Variants in IGSF22 observed in about 807,000 individuals in gnomAD.
The protein encoded by IGSF22 is immunoglobulin superfamily member 22.
In IGSF22, 119 loss-of-function variants were observed where a neutral mutation model predicts 127.0. That is an observed-to-expected ratio of 0.94 (90% CI 0.81 to 1.09). The LOEUF (loss-of-function observed/expected upper bound fraction) is 1.09, where lower values mean the gene tolerates loss of function less well. Among genes scored for constraint, IGSF22 ranks in the 50% least tolerant of loss-of-function variants. The pLI, the probability that IGSF22 is intolerant of heterozygous loss-of-function variation, is 0.00. For missense variants in IGSF22, 1,518 were observed against 1,716.6 expected, an observed-to-expected ratio of 0.88 and a Z score of 2.04; for synonymous variants, 568 against 664.7, an observed-to-expected ratio of 0.85 and a Z score of 2.24.
At chr11:18,720,334 G>A (rs752546026) in intron 4 of IGSF22, 49 bp from the exon 5 acceptor site, 8 of 1,484,512 alleles carry the variant, frequency 5.4e-6, no homozygotes, top group Non-Finnish European at 6.6e-6. Context: ...GAACCACAGG[G>A]AGACTTTCTG....
chr11:18,717,922 C>G lies in IGSF22; in HGVS notation c.973+9G>C, dbSNP rs932067162. 2 of 1,611,658 alleles carry G rather than the reference C, an allele frequency of 1.2e-6. No homozygotes were observed. Among genetic ancestry groups the G allele is most frequent in the Non-Finnish European group, 1.7e-6 (2 of 1,178,196 alleles). On this transcript the variant is annotated intron_variant, in intron 9 of 22. Transcript: ENST00000513874. Reference sequence around the variant, plus strand: ...TCCTCCTTGTGCCCTTGCATGCCCCCACTCATACCCAGCACTGTGAGCTCT... The same window carrying G: ...TCCTCCTTGTGCCCTTGCATGCCCCGACTCATACCCAGCACTGTGAGCTCT...
intron 4 of IGSF22, 140 bp from the exon 5 acceptor site, chr11:18,720,425 GC>G: frequency 1.6e-6 from 1 of 632,486 alleles, no homozygotes; most frequent in Non-Finnish European, 2.8e-6. Flanking sequence ...GGATTGAGCA[GC>G]CTGTATGATT....
rs376208958 is a variant in IGSF22, at chr11:18,710,327, T to C, written c.2701A>G (p.Lys901Glu). The change falls in exon 17 of 23, where the codon AAA becomes GAA. Residue 901 changes from lysine (K) to glutamate (E), a missense_variant and splice_region_variant. Around this residue, in one of 3 missense-constraint regions of IGSF22, gnomAD observed 1,456 missense variants for 1,644.9 expected, o/e 0.89. Transcript: ENST00000513874. ...SSSVVAKDPV[K>E]PPGLVQDLHV... ...CAGGACCTGGCAGCCGCATACTCAC[T>C]AACAGGATCCTTGGCCACTACTGAG... is the stretch of plus-strand genomic sequence containing the variant. 3 of 1,613,912 alleles carry C rather than the reference T, an allele frequency of 1.9e-6. No homozygotes were observed. Among genetic ancestry groups the C allele is most frequent in the Non-Finnish European group, 2.5e-6 (3 of 1,179,920 alleles).
intron 1 of IGSF22, among the ~76,000 whole-genome samples, chr11:18,725,616 A>G (rs1848639967): frequency 6.6e-6 from 1 of 150,986 alleles, no homozygotes; most frequent in Non-Finnish European, 1.5e-5. Context: ...AATTTTTTGT[A>G]TTTTTAGTAC....
Position 18,716,675 on chromosome 11 carries a change from G to T in IGSF22, c.1246+53C>A. 1 of 1,554,858 alleles carries T rather than the reference G, an allele frequency of 6.4e-7. No individual in the cohort carries two copies. The highest frequency in any genetic ancestry group is 8.8e-7 in the Non-Finnish European group (1 of 1,130,630). On this transcript the variant is annotated intron_variant, in intron 10 of 22. Transcript: ENST00000513874. This position sits in a 1 kb window ranked among gnomAD's most constrained non-coding sequence, Gnocchi z 4.5. ...ATATATAAATGATGACTACCTGCAT[G>T]GAGGTTGCTGTGCCATAAAGCCCAC...
rs1848505755 is a variant in IGSF22, at chr11:18,718,595, C to T, written c.810+20G>A. ...AGGAAGAGATATTGCCAAGGTGGAC[C>T]CTGGCTAGGCATCCCCCACCTTGAT... On this transcript the variant is annotated intron_variant, in intron 8 of 22. Transcript: ENST00000513874. The T allele has an allele frequency of 1.4e-6, 2 of 1,402,124 alleles. No individual in the cohort carries two copies. The highest frequency in any genetic ancestry group is 2.0e-6 in the Non-Finnish European group (2 of 986,610). The allele number at this position is 1,402,124 out of a possible 1,614,324, so 86.9% of individuals were successfully genotyped here.
chr11:18,719,724 C>T lies in IGSF22; in HGVS notation c.688G>A (p.Glu230Lys). 1 of 1,614,156 alleles carries T rather than the reference C, an allele frequency of 6.2e-7. No individual in the cohort carries two copies. The highest frequency in any genetic ancestry group is 8.5e-7 in the Non-Finnish European group (1 of 1,180,030). The change falls in exon 7 of 23, where the codon GAG becomes AAG. Residue 230 changes from glutamate to lysine, a missense_variant. By Grantham distance (56) the Glu-to-Lys change is moderately conservative (BLOSUM62 1). Coordinates refer to ENST00000513874, the MANE Select transcript of IGSF22 (RefSeq NM_173588.4). ...RKLKEMKKKV[E>K]VEAIRILKPL... ...CCCTGCAGGGTACTTACCTCCACCT[C>T]TACTTTCTTCTTCATCTCTTTGAGC...
Position 18,715,603 on chromosome 11 carries a change from C to A in IGSF22, c.1360G>T (p.Asp454Tyr), listed in dbSNP as rs1300311360. The A allele has an allele frequency of 6.2e-7, 1 of 1,613,978 alleles. No individual in the cohort carries two copies. Among genetic ancestry groups the A allele is most frequent in the Non-Finnish European group, 8.5e-7 (1 of 1,180,020 alleles). The stretch of plus-strand genomic sequence containing the variant: ...GTGCCATGCATCAGCAGCTGCCCAT[C>A]CTTCTTCCAGCGCAGTGTCACATCC... ...SKDVTLRWKK[D>Y]GQLLMHGTKY... The change falls in exon 11 of 23, where the codon GAT becomes TAT. Residue 454 changes from aspartate to tyrosine, a missense_variant. Coordinates refer to ENST00000513874, the MANE Select transcript of IGSF22 (RefSeq NM_173588.4).
At position 18,704,322 on chromosome 11, in the gene IGSF22, T is replaced by TA. The variant is rs755905153; in HGVS notation, c.*145dup. 1 of 646,154 alleles carries TA rather than the reference T, an allele frequency of 1.5e-6. No homozygotes were observed. The highest frequency in any genetic ancestry group is 2.8e-6 in the Non-Finnish European group (1 of 355,466). 40.0% of individuals were successfully genotyped at this position (646,154 alleles called of 1,614,324 possible). Reference sequence around the variant, plus strand: ...CCCTCAGGAACGGGAAAGGATGAGTTACGTTTATTGCCCCATCCCTTCACT... The same window carrying TA: ...CCCTCAGGAACGGGAAAGGATGAGTTAACGTTTATTGCCCCATCCCTTCACT... On this transcript the variant is annotated 3_prime_UTR_variant, in exon 23 of 23. Transcript: ENST00000513874.
At position 18,720,286 on chromosome 11, in the gene IGSF22, C is replaced by T. The variant is rs1428099839; in HGVS notation, c.379-1G>A. On this transcript the variant is annotated splice_acceptor_variant, in intron 4 of 22. Transcript: ENST00000513874. LOFTEE classifies it high-confidence loss of function. ...AGTCATCCGAAGTCAGTGGCTCCAG[C>T]TGGATCAAAGTCCGGCCATTAGTGG... is the stretch of plus-strand genomic sequence containing the variant. The T allele has an allele frequency of 1.9e-6, 3 of 1,613,710 alleles. No homozygotes were observed. Among genetic ancestry groups the T allele is most frequent in the Non-Finnish European group, 1.7e-6 (2 of 1,179,762 alleles).
intron 18 of IGSF22, 33 bp from the exon 19 acceptor site, chr11:18,708,328 A>G (rs752274904): frequency 3.2e-5 from 48 of 1,485,936 alleles, no homozygotes; most frequent in Non-Finnish European, 4.1e-5. Context: ...GGAGGCATGG[A>G]TCTGTCTTTC....
chr11:18,715,061 T>C (rs1253089613), intron 11 of IGSF22, among the ~76,000 whole-genome samples: 1 of 146,056 alleles, frequency 6.8e-6, no homozygotes, highest in Non-Finnish European at 1.5e-5. Flanking sequence ...CATTGGGGGT[T>C]GAGGGTAGCC....
Position 18,717,968 on chromosome 11 carries a change from C to G in IGSF22, c.936G>C (p.Val312=). The change falls in exon 9 of 23, where the codon GTG becomes GTC. Residue 312 remains valine (V), a synonymous_variant. Transcript: ENST00000513874. The stretch of plus-strand genomic sequence containing the variant: ...GCTCTGCACTCATCCGCTTATCGCC[C>G]ACGGACAGGCTGTAGATGCCAGCAT... ...MNDAGIYSLS[V]GDKRMSAELT... The G allele has an allele frequency of 6.2e-7, 1 of 1,614,182 alleles. No individual in the cohort carries two copies.
At chr11:18,714,217 C>T in intron 13 of IGSF22, 60 bp downstream of exon 13, 1 of 1,593,942 alleles carries the variant, frequency 6.3e-7, no homozygotes, top group Non-Finnish European at 8.6e-7. Flanking sequence ...GGGGAGAAGC[C>T]ATGAGCTTGT....
At chr11:18,721,485 TC>T (rs1848571033) in intron 4 of IGSF22, 49 bp downstream of exon 4, 2 of 1,611,768 alleles carry the variant, frequency 1.2e-6, no homozygotes, top group Non-Finnish European at 1.7e-6. Context: ...GCCCTGGGGG[TC>T]CCTGCCTCTG....
At chr11:18,715,352 G>T in intron 11 of IGSF22, 80 bp downstream of exon 11, 3 of 1,434,506 alleles carry the variant, frequency 2.1e-6, no homozygotes, top group Non-Finnish European at 2.9e-6. Flanking sequence ...GTTAGTGGGA[G>T]GGGGGCAATT....
chr11:18,715,402 G>T (rs200022222), intron 11 of IGSF22, 30 bp downstream of exon 11: 2 of 1,590,772 alleles, frequency 1.3e-6, no homozygotes, highest in Admixed American at 3.4e-5. Flanking sequence ...AGGGGGATTG[G>T]TCAGTGGGGA....
intron 21 of IGSF22, 58 bp from the exon 22 acceptor site, chr11:18,706,204 C>G: frequency 6.9e-7 from 1 of 1,447,644 alleles, no homozygotes; most frequent in Non-Finnish European, 9.2e-7. Context: ...ACCCACCACC[C>G]ACGTCTTACA....
In IGSF22 at chr11:18,707,292, C is replaced by T. The variant is rs1016972872; in HGVS notation, c.3281-79G>A. ...CCCCACCCCAGCCATCTGCCAAGTC[C>T]GATGGAAGATAAGATGGGGCAAGTC... is the stretch of plus-strand genomic sequence containing the variant. On this transcript the variant is annotated intron_variant, in intron 20 of 22. Transcript: ENST00000513874. The T allele has an allele frequency of 2.0e-5, 26 of 1,286,450 alleles. No homozygotes were observed. The Admixed American group carries it at 2.8e-4, about 14-fold the overall frequency. The allele number at this position is 1,286,450 out of a possible 1,614,324, so 79.7% of individuals were successfully genotyped here.
Sources: gnomAD v4.1 joint callset for allele counts (sites outside exome capture counted in the v4.1 genomes callset) on GRCh38, gnomAD v4.1.1 for gene constraint, gnomAD v4.1.1 regional missense constraint, Gnocchi (gnomAD v3.1) non-coding constraint, MANE v1.5 for transcripts, NCBI Gene and HGNC (gene_info 2026-07-23, HGNC 2026-07-21) for gene names.